WDR49: variants seen among roughly 807,000 people sequenced by gnomAD.
The protein encoded by WDR49 is cilia- and flagella-associated protein 337.
A neutral mutation model predicts 119.5 loss-of-function variants in WDR49; 107 were observed. The ratio of observed to expected loss-of-function variants is 0.90; its 90% CI spans 0.77 to 1.05. The LOEUF is 1.05. Among genes scored for constraint, WDR49 ranks in the 50% least tolerant of loss-of-function variants. WDR49 has a pLI of 0.00. For missense variants in WDR49, 1,240 were observed against 1,220.5 expected, an observed-to-expected ratio of 1.02 and a Z score of -0.24; for synonymous variants, 425 against 418.8, an observed-to-expected ratio of 1.01 and a Z score of -0.18.
In WDR49 at chr3:167,478,690, T is replaced by C; in HGVS notation, c.*188A>G. The C allele has an allele frequency of 2.6e-6, 1 of 380,170 alleles. No homozygotes were observed. Among genetic ancestry groups the C allele is most frequent in the Non-Finnish European group, 4.6e-6 (1 of 216,152 alleles). 23.5% of individuals were successfully genotyped at this position (380,170 alleles called of 1,614,324 possible). ...ACCAAGATGTTGCTCCCACTTTAGT[T>C]CAATATTTATTTTATTAAGAATACA... On this transcript the variant is annotated 3_prime_UTR_variant, in exon 19 of 19. Transcript: ENST00000682715.
chr3:167,545,835 A>G (rs1227414406), intron 10 of WDR49, among the ~76,000 whole-genome samples: 1 of 150,730 alleles, frequency 6.6e-6, no homozygotes, highest in African/African-American at 2.4e-5. Flanking sequence ...GCAACCAAAC[A>G]CCACCTGTAC....
At chr3:167,555,826 T>C (rs867910293) in intron 9 of WDR49, among the ~76,000 whole-genome samples, 4 of 152,202 alleles carry the variant, frequency 2.6e-5, no homozygotes, top group African/African-American at 9.7e-5. Flanking sequence ...GAGAAATGCA[T>C]CACTGGGTGA....
chr3:167,587,224 A>G (rs1714864281), intron 7 of WDR49, among the ~76,000 whole-genome samples: 1 of 152,210 alleles, frequency 6.6e-6, no homozygotes, highest in African/African-American at 2.4e-5. Flanking sequence ...ATATACATAT[A>G]CAATGCTCCG....
intron 8 of WDR49, among the ~76,000 whole-genome samples, chr3:167,572,650 C>T (rs994583701): frequency 2.0e-5 from 3 of 152,040 alleles, no homozygotes; most frequent in East Asian, 3.9e-4. Context: ...TGGGAAAATA[C>T]AAAAATGGAA....
chr3:167,527,366 CTATTAT>C (rs1448462988), intron 15 of WDR49, among the ~76,000 whole-genome samples: 2 of 152,026 alleles, frequency 1.3e-5, no homozygotes, highest in African/African-American at 4.8e-5. Context: ...CAAATGTTAA[CTATTAT>C]TATTTGGCAG....
At chr3:167,508,168 A>C (rs1383933684) in intron 16 of WDR49, among the ~76,000 whole-genome samples, 2 of 152,192 alleles carry the variant, frequency 1.3e-5, no homozygotes, top group Non-Finnish European at 1.5e-5. Context: ...GGCATCAAAA[A>C]GGAAGTGAAA....
intron 7 of WDR49, among the ~76,000 whole-genome samples, chr3:167,599,928 C>T (rs1037146536): frequency 1.3e-5 from 2 of 152,164 alleles, no homozygotes; most frequent in African/African-American, 4.8e-5. Flanking sequence ...TTATTTAGAG[C>T]TCAAGGACTC....
chr3:167,601,260 G>T (rs1187212557), intron 7 of WDR49, among the ~76,000 whole-genome samples: 1 of 152,116 alleles, frequency 6.6e-6, no homozygotes, highest in Non-Finnish European at 1.5e-5. Context: ...AAGTAAGTTT[G>T]GTAGAATTTA....
chr3:167,629,160 G>A (rs969069397), intron 2 of WDR49, among the ~76,000 whole-genome samples: 1 of 152,062 alleles, frequency 6.6e-6, no homozygotes, highest in Non-Finnish European at 1.5e-5. Context: ...GCTGAGGTAG[G>A]GGTGTCACTT....
chr3:167,543,864 A>G (rs1375133158), intron 10 of WDR49, among the ~76,000 whole-genome samples: 1 of 152,056 alleles, frequency 6.6e-6, no homozygotes, highest in Non-Finnish European at 1.5e-5. Context: ...CTGTTTCCCA[A>G]TGATATGATT....
At chr3:167,534,566 T>C (rs1207941662) in intron 11 of WDR49, among the ~76,000 whole-genome samples, 2 of 152,124 alleles carry the variant, frequency 1.3e-5, no homozygotes, top group Non-Finnish European at 2.9e-5. Flanking sequence ...ACTTTAAATA[T>C]AGATAGATCA....
At chr3:167,493,385 C>T (rs779139778) in intron 18 of WDR49, among the ~76,000 whole-genome samples, 30 of 152,194 alleles carry the variant, frequency 2.0e-4, no homozygotes, top group African/African-American at 7.0e-4. Flanking sequence ...TGTGAACAGC[C>T]TTCCCTGTAC....
At chr3:167,607,243 G>C (rs1446096534) in intron 5 of WDR49, among the ~76,000 whole-genome samples, 1 of 152,148 alleles carries the variant, frequency 6.6e-6, no homozygotes, top group African/African-American at 2.4e-5. Context: ...AGGAGTTCTA[G>C]CTTCTATGAC....
At chr3:167,535,980 C>T (rs1753006424) in intron 11 of WDR49, among the ~76,000 whole-genome samples, 1 of 151,996 alleles carries the variant, frequency 6.6e-6, no homozygotes, top group Non-Finnish European at 1.5e-5. Context: ...ATAAGCCAGG[C>T]ATATAAAGAC....
upstream of WDR49, among the ~76,000 whole-genome samples, chr3:167,657,175 A>C (rs1228388596): frequency 6.6e-6 from 1 of 152,174 alleles, no homozygotes; most frequent in Admixed American, 6.5e-5. Context: ...TATTTTCTAC[A>C]AAGTAGGATA....
chr3:167,549,476 C>A (rs1712415787), intron 10 of WDR49, among the ~76,000 whole-genome samples: 1 of 152,180 alleles, frequency 6.6e-6, no homozygotes, highest in Non-Finnish European at 1.5e-5. Flanking sequence ...TGTCTGTTGG[C>A]TGCATAAATG....
At chr3:167,500,479 A>G (rs1751520490) in intron 17 of WDR49, among the ~76,000 whole-genome samples, 180 bp from the exon 18 acceptor site, 1 of 152,190 alleles carries the variant, frequency 6.6e-6, no homozygotes, top group Non-Finnish European at 1.5e-5. Context: ...AAATAAATCC[A>G]TAGTGCTTTT....
chr3:167,515,017 G>T (rs897205213), intron 16 of WDR49, among the ~76,000 whole-genome samples: 4 of 151,990 alleles, frequency 2.6e-5, no homozygotes, highest in South Asian at 2.1e-4. Flanking sequence ...AAAAGCCAAG[G>T]ACCAGAGTGA....
intron 12 of WDR49, among the ~76,000 whole-genome samples, chr3:167,531,697 C>A (rs748230881): frequency 6.6e-6 from 1 of 151,954 alleles, no homozygotes; most frequent in Non-Finnish European, 1.5e-5. Context: ...TTAAATGAGC[C>A]TTTTTAACAA....
Sources: allele counts gnomAD v4.1 joint callset (sites outside exome capture counted in the v4.1 genomes callset), GRCh38; gene constraint gnomAD v4.1.1; transcripts MANE v1.5; gene names NCBI Gene and HGNC (gene_info 2026-07-23, HGNC 2026-07-21).